Variants in IL1RAPL1 observed in about 807,000 individuals in gnomAD.
The protein encoded by IL1RAPL1 is interleukin-1 receptor accessory protein-like 1.
Under a neutral mutation model 48.4 loss-of-function variants are expected in IL1RAPL1, and 3 were observed. That is an observed-to-expected ratio of 0.06 (90% confidence interval 0.03 to 0.16). The LOEUF (loss-of-function observed/expected upper bound fraction) is 0.16, where lower values mean the gene tolerates loss of function less well. Among genes scored for constraint, IL1RAPL1 ranks in the 10% least tolerant of loss-of-function variants. IL1RAPL1 has a pLI of 1.00. For missense variants in IL1RAPL1, 349 were observed against 530.6 expected (o/e 0.66, Z 3.36); for synonymous variants, 185 against 187.7 (o/e 0.99, Z 0.12).
At chrX:29,323,781 A>C (rs867450673) in intron 3 of IL1RAPL1, among the ~76,000 whole-genome samples, 5 of 54,792 alleles carry the variant, frequency 9.1e-5, no homozygotes, top group East Asian at 8.3e-4. Flanking sequence ...ATATATATAT[A>C]TATCCCCTTC....
At chrX:28,637,867 G>T (rs1934484146) in intron 1 of IL1RAPL1, among the ~76,000 whole-genome samples, 1 of 112,193 alleles carries the variant, frequency 8.9e-6, no homozygotes, top group Non-Finnish European at 1.9e-5. Context: ...AATTTTGTAA[G>T]ACATAAGGCT....
At chrX:28,899,151 A>G (rs1275832618) in intron 2 of IL1RAPL1, among the ~76,000 whole-genome samples, 1 of 111,266 alleles carries the variant, frequency 9.0e-6, no homozygotes, top group East Asian at 2.8e-4. Context: ...AGGAACTACC[A>G]AACACTTACA....
intron 5 of IL1RAPL1, among the ~76,000 whole-genome samples, chrX:29,559,080 G>A (rs185244954): frequency 3.4e-4 from 38 of 112,103 alleles, no homozygotes; most frequent in African/African-American, 1.1e-3. Context: ...CATTAAATCT[G>A]TATGTGGCTT....
At chrX:29,674,156 G>A (rs1303906555) in intron 6 of IL1RAPL1, among the ~76,000 whole-genome samples, 1 of 112,054 alleles carries the variant, frequency 8.9e-6, no homozygotes, top group East Asian at 2.8e-4. Flanking sequence ...GCCAGTCACG[G>A]TAGCTCACTC....
intron 2 of IL1RAPL1, among the ~76,000 whole-genome samples, chrX:28,961,533 T>C (rs1924778068): frequency 1.8e-5 from 2 of 111,147 alleles, no homozygotes; most frequent in Admixed American, 9.6e-5. Flanking sequence ...CGGTGTGTGA[T>C]GTTCCCTTCC....
At chrX:29,243,080 C>A (rs1361948955) in intron 2 of IL1RAPL1, among the ~76,000 whole-genome samples, 3 of 112,000 alleles carry the variant, frequency 2.7e-5, no homozygotes, top group Non-Finnish European at 5.6e-5. Context: ...GGTTTATTAT[C>A]TCCCCATATA....
intron 6 of IL1RAPL1, among the ~76,000 whole-genome samples, chrX:29,802,998 TATGCATATATAC>T (rs1930032132): frequency 1.2e-4 from 8 of 68,331 alleles, no homozygotes; most frequent in African/African-American, 5.3e-4. Context: ...CATATATATG[TATGCATATATAC>T]ATATGTGTAC....
At chrX:29,170,604 G>C (rs1337926192) in intron 2 of IL1RAPL1, among the ~76,000 whole-genome samples, 1 of 111,240 alleles carries the variant, frequency 9.0e-6, no homozygotes, top group Non-Finnish European at 1.9e-5. Flanking sequence ...AATATGTTTA[G>C]TGAATATTCA....
chrX:29,453,904 G>A, intron 5 of IL1RAPL1, among the ~76,000 whole-genome samples: 1 of 112,415 alleles, frequency 8.9e-6, no homozygotes, highest in Non-Finnish European at 1.9e-5. Flanking sequence ...CATCATCTAT[G>A]TGTTCTAAAT....
At chrX:28,795,549 A>G (rs1037243783) in intron 2 of IL1RAPL1, among the ~76,000 whole-genome samples, 5 of 111,351 alleles carry the variant, frequency 4.5e-5, no homozygotes, top group Non-Finnish European at 5.7e-5. Context: ...TAAGACTTCA[A>G]TGAGGAGGAG....
chrX:29,659,991 A>G (rs1299569700), intron 5 of IL1RAPL1, among the ~76,000 whole-genome samples: 4 of 111,637 alleles, frequency 3.6e-5, no homozygotes, highest in Non-Finnish European at 7.5e-5. Flanking sequence ...CAGGGAATTC[A>G]CAATCAGGCA....
At chrX:28,938,232 A>G (rs1189340568) in intron 2 of IL1RAPL1, among the ~76,000 whole-genome samples, 4 of 111,792 alleles carry the variant, frequency 3.6e-5, no homozygotes, top group African/African-American at 1.3e-4. Context: ...CAAAAGTACA[A>G]AGCTGGAGGC....
chrX:28,764,980 A>G (rs951715144), intron 1 of IL1RAPL1, among the ~76,000 whole-genome samples: 1 of 110,992 alleles, frequency 9.0e-6, no homozygotes, highest in African/African-American at 3.3e-5. Flanking sequence ...GCCATAAAAA[A>G]GGATGAGTTC....
intron 2 of IL1RAPL1, among the ~76,000 whole-genome samples, chrX:29,108,769 G>A (rs747192492): frequency 3.6e-5 from 4 of 110,958 alleles, no homozygotes; most frequent in Middle Eastern, 4.7e-3. Flanking sequence ...CATACAATTC[G>A]GCTTGATATA....
chrX:28,602,575 AAG>A (rs1934040017), intron 1 of IL1RAPL1, among the ~76,000 whole-genome samples: 1 of 112,205 alleles, frequency 8.9e-6, no homozygotes, highest in African/African-American at 3.2e-5. Flanking sequence ...TGTGCAAGTT[AAG>A]AGTTACTATT....
chrX:28,819,825 A>G (rs909376685), intron 2 of IL1RAPL1, among the ~76,000 whole-genome samples: 7 of 106,204 alleles, frequency 6.6e-5, no homozygotes, highest in Admixed American at 3.1e-4. Flanking sequence ...TGTAACATTA[A>G]GAATTGCATA....
At chrX:29,821,485 AC>A (rs1199993799) in intron 6 of IL1RAPL1, among the ~76,000 whole-genome samples, 3 of 103,105 alleles carry the variant, frequency 2.9e-5, no homozygotes, top group African/African-American at 1.1e-4. Context: ...AAATAAAACA[AC>A]AACAACAAAA....
At chrX:29,740,557 G>A (rs913582923) in intron 6 of IL1RAPL1, among the ~76,000 whole-genome samples, 17 of 110,735 alleles carry the variant, frequency 1.5e-4, no homozygotes, top group African/African-American at 4.9e-4. Context: ...CTTCTTTCAC[G>A]TCCTATATCC....
chrX:29,470,306 A>G (rs1300363010), intron 5 of IL1RAPL1, among the ~76,000 whole-genome samples: 1 of 111,974 alleles, frequency 8.9e-6, no homozygotes, highest in Non-Finnish European at 1.9e-5. Context: ...TGTGTTCTAC[A>G]TTTGTGATCT....
Sources: gnomAD v4.1 joint callset for allele counts (sites outside exome capture counted in the v4.1 genomes callset) on GRCh38, gnomAD v4.1.1 for gene constraint, MANE v1.5 for transcripts, NCBI Gene and HGNC (gene_info 2026-07-23, HGNC 2026-07-21) for gene names.